The following EYA2 variants were observed in gnomAD, a reference collection of about 807,000 sequenced individuals.
EYA2 encodes protein phosphatase EYA2.
A neutral mutation model predicts 69.2 loss-of-function variants in EYA2; 31 were observed. The ratio of observed to expected loss-of-function variants is 0.45; its 90% CI spans 0.34 to 0.60. The LOEUF is 0.60. Ranked by LOEUF, EYA2 falls within the 20% of genes least tolerant of loss-of-function variation. EYA2 has a pLI of 0.02. For missense variants in EYA2, 622 were observed against 701.2 expected (o/e 0.89, Z 1.28); for synonymous variants, 257 against 279.4 (o/e 0.92, Z 0.80).
chr20:47,054,318 T>C (rs1244212343), intron 5 of EYA2, among the ~76,000 whole-genome samples: 2 of 152,198 alleles, frequency 1.3e-5, no homozygotes, highest in East Asian at 3.9e-4. Context: ...TTTGAATGAA[T>C]GAATGACGCT....
chr20:47,111,707 A>G (rs1044516215), intron 9 of EYA2, among the ~76,000 whole-genome samples: 2 of 152,244 alleles, frequency 1.3e-5, no homozygotes, highest in Middle Eastern at 3.2e-3. Context: ...CAGCAAAAGT[A>G]AACATAAGCC....
chr20:47,171,895 C>G (rs370933394), intron 11 of EYA2, among the ~76,000 whole-genome samples: 1 of 151,996 alleles, frequency 6.6e-6, no homozygotes, highest in African/African-American at 2.4e-5. Context: ...AGTGCAAGAC[C>G]AGCCTGGCCA....
At chr20:46,935,207 C>G (rs904939599) in intron 1 of EYA2, among the ~76,000 whole-genome samples, 1 of 152,206 alleles carries the variant, frequency 6.6e-6, no homozygotes, top group East Asian at 1.9e-4. Context: ...TCTCCAGGCT[C>G]TTGTGTGATG....
rs191186642 is a variant in EYA2 at position 46,978,564 on chromosome 20, A to G, written c.-10-11437A>G. 1,774 of 534,816 alleles carry G rather than the reference A, an allele frequency of 3.3e-3. 9 individuals carry two copies. The highest frequency in any genetic ancestry group is 5.8e-3 in the Non-Finnish European group (1,512 of 260,090). 33.1% of individuals were successfully genotyped at this position (534,816 alleles called of 1,614,324 possible). ...TATTGGACAAGGAGAAGCCAGATCA[A>G]GGCTGTGTTCGGAACTCTTTGCTTT... On this transcript the variant is annotated intron_variant, in intron 1 of 15. Coordinates refer to ENST00000327619, the MANE Select transcript of EYA2 (RefSeq NM_005244.5).
chr20:47,188,192 C>T lies in EYA2; in HGVS notation c.*59C>T. The T allele has an allele frequency of 6.7e-7, 1 of 1,488,712 alleles. No homozygotes were observed. Among genetic ancestry groups the T allele is most frequent in the Non-Finnish European group, 9.1e-7 (1 of 1,103,316 alleles). The allele number at this position is 1,488,712 out of a possible 1,614,324, so 92.2% of individuals were successfully genotyped here. The stretch of plus-strand genomic sequence containing the variant: ...CCTCAGACCCCCTCGCCTTCCCCAC[C>T]TCCCCACCGAGAACTCCAGAGACCC... On this transcript the variant is annotated 3_prime_UTR_variant, in exon 16 of 16. Coordinates refer to ENST00000327619, the MANE Select transcript of EYA2 (RefSeq NM_005244.5).
chr20:47,111,818 C>T (rs1186713526), intron 9 of EYA2, among the ~76,000 whole-genome samples: 1 of 152,160 alleles, frequency 6.6e-6, no homozygotes, highest in Non-Finnish European at 1.5e-5. Flanking sequence ...GTCATCAAGG[C>T]AGTCAGCCTA....
At chr20:46,914,541 T>C (rs2146228278) in intron 1 of EYA2, among the ~76,000 whole-genome samples, 1 of 152,272 alleles carries the variant, frequency 6.6e-6, no homozygotes, top group African/African-American at 2.4e-5. Context: ...TCCTTCTTCA[T>C]ATGGTGGCCG....
chr20:47,104,435 A>G (rs1395935393), intron 9 of EYA2, among the ~76,000 whole-genome samples: 1 of 151,952 alleles, frequency 6.6e-6, no homozygotes, highest in Non-Finnish European at 1.5e-5. Flanking sequence ...TTTTATTTTT[A>G]TGAAGTGCAA....
intron 5 of EYA2, among the ~76,000 whole-genome samples, chr20:47,040,781 C>T (rs1439793592): frequency 6.6e-6 from 1 of 152,194 alleles, no homozygotes; most frequent in African/African-American, 2.4e-5. Flanking sequence ...GCTGTTATCA[C>T]TGTAACTACA....
At chr20:46,983,151 CA>C (rs1367644968) in intron 1 of EYA2, among the ~76,000 whole-genome samples, 3 of 152,174 alleles carry the variant, frequency 2.0e-5, no homozygotes, top group Admixed American at 1.3e-4. Context: ...TATATTATCA[CA>C]GTTGCTAGGG....
At chr20:46,936,856 C>T (rs1174134906) in intron 1 of EYA2, among the ~76,000 whole-genome samples, 1 of 152,106 alleles carries the variant, frequency 6.6e-6, no homozygotes, top group Admixed American at 6.5e-5. Context: ...TTCTTTTCTG[C>T]CTCATGCCTG....
intron 4 of EYA2, among the ~76,000 whole-genome samples, chr20:47,009,676 TA>T (rs1290850271): frequency 2.6e-5 from 4 of 152,208 alleles, no homozygotes; most frequent in Non-Finnish European, 4.4e-5. Flanking sequence ...ATTTTTGTCT[TA>T]GCAGACCACA....
At chr20:47,169,348 C>G (rs967562736) in intron 11 of EYA2, 151 bp downstream of exon 11, 23 of 771,668 alleles carry the variant, frequency 3.0e-5, no homozygotes, top group Non-Finnish European at 4.7e-5. Context: ...GCATCTCAGA[C>G]TCAAAAATCA....
chr20:47,015,753 A>G (rs1236050209), intron 4 of EYA2, among the ~76,000 whole-genome samples: 1 of 152,170 alleles, frequency 6.6e-6, no homozygotes, highest in Non-Finnish European at 1.5e-5. Flanking sequence ...TACCAAAACA[A>G]ATCACAACTG....
intron 5 of EYA2, among the ~76,000 whole-genome samples, chr20:47,039,419 A>G (rs1219980888): frequency 2.6e-5 from 4 of 152,222 alleles, no homozygotes; most frequent in East Asian, 1.9e-4. Flanking sequence ...CTACTTTCCT[A>G]TCACAAAGGC....
chr20:46,967,907 C>T (rs2146295801), intron 1 of EYA2, among the ~76,000 whole-genome samples: 1 of 152,320 alleles, frequency 6.6e-6, no homozygotes, highest in East Asian at 1.9e-4. Context: ...ATCATCCCTC[C>T]TTGCAGGCCA....
Position 46,999,022 on chromosome 20 carries a change from A to G in EYA2, c.110-2406A>G, listed in dbSNP as rs186205806. ...AAGGCAGGTTGCTCAATTCAGAGGA[A>G]CTGGGTGGAAGCTTGAAAAGGAGCT... On this transcript the variant is annotated intron_variant, in intron 2 of 15. Transcript: ENST00000327619. 3.3e-3 allele frequency among the ~76,000 whole-genome samples: 496 copies of G among 152,204 alleles called. 6 individuals are homozygous for G. Among genetic ancestry groups the G allele is most frequent in the African/African-American group, 0.011 (470 of 41,532 alleles).
intron 2 of EYA2, among the ~76,000 whole-genome samples, chr20:46,994,647 G>A (rs1981897463): frequency 6.6e-6 from 1 of 152,162 alleles, no homozygotes; most frequent in Non-Finnish European, 1.5e-5. Flanking sequence ...CTTTGCCCAG[G>A]TGCTGGCCTG....
intron 1 of EYA2, among the ~76,000 whole-genome samples, chr20:46,987,652 C>T (rs940849669): frequency 6.6e-6 from 1 of 152,070 alleles, no homozygotes; most frequent in Non-Finnish European, 1.5e-5. Flanking sequence ...GTGGGGCAAG[C>T]ACAGTGGCTC....
Sources: gnomAD v4.1 joint callset for allele counts (sites outside exome capture counted in the v4.1 genomes callset) on GRCh38, gnomAD v4.1.1 for gene constraint, MANE v1.5 for transcripts, NCBI Gene and HGNC (gene_info 2026-07-23, HGNC 2026-07-21) for gene names.